RAPGEF3: variants seen among roughly 807,000 people sequenced by gnomAD.
RAPGEF3 encodes the protein Rap guanine nucleotide exchange factor 3, also known as 9330170P05Rik.
Under a neutral mutation model 129.8 loss-of-function variants are expected in RAPGEF3, and 103 were observed. That is an observed-to-expected ratio of 0.79 (90% CI 0.68 to 0.93). The LOEUF (loss-of-function observed/expected upper bound fraction) is 0.93, where lower values mean the gene tolerates loss of function less well. RAPGEF3 is among the 40% of genes least tolerant of loss of function. The pLI is 0.00. For missense variants in RAPGEF3, 1,117 were observed against 1,207.4 expected, an observed-to-expected ratio of 0.93 and a Z score of 1.11; for synonymous variants, 436 against 482.6, an observed-to-expected ratio of 0.90 and a Z score of 1.26.
chr12:47,749,130 C>G lies in RAPGEF3; in HGVS notation c.1042-199G>C. 1 of 644,974 alleles carries G rather than the reference C, an allele frequency of 1.6e-6. No individual in the cohort carries two copies. Among genetic ancestry groups the G allele is most frequent in the East Asian group, 2.7e-5 (1 of 36,642 alleles). 40.0% of individuals were successfully genotyped at this position (644,974 alleles called of 1,614,324 possible). On this transcript the variant is annotated intron_variant, in intron 10 of 27. Transcript: ENST00000449771. The surrounding 1 kb of genome is among the most constrained non-coding windows in gnomAD (Gnocchi z 4.5). Reference sequence around the variant, plus strand: ...TCCTGCCTCCCCCACAGCCTAGTCCCCCGCCCCCTGCATGCCCATCCTTCC... The same window carrying G: ...TCCTGCCTCCCCCACAGCCTAGTCCGCCGCCCCCTGCATGCCCATCCTTCC...
intron 12 of RAPGEF3, 60 bp from the exon 13 acceptor site, chr12:47,748,212 G>A: frequency 7.4e-7 from 1 of 1,345,406 alleles, no homozygotes; most frequent in Non-Finnish European, 1.0e-6. Context: ...CTGAGCACAG[G>A]TGTATGGACA....
At position 47,741,016 on chromosome 12, in the gene RAPGEF3, G is replaced by T; in HGVS notation, c.1948C>A (p.Pro650Thr). The T allele has an allele frequency of 6.2e-7, 1 of 1,612,740 alleles. No homozygotes were observed. Among genetic ancestry groups the T allele is most frequent in the Non-Finnish European group, 8.5e-7 (1 of 1,179,560 alleles). Residue 650 changes from proline to threonine, a missense_variant, in exon 20 of 28, where the codon CCC (proline) becomes ACC (threonine). This residue lies in a region of RAPGEF3 where 643 missense variants were observed against 673.4 expected (regional missense o/e 0.95). Transcript: ENST00000449771. ...AGCCCCTCAGCAGAGCCCACAGTGG[G>T]CCCCAGCTGGTCAGGGTGTGGGATC... is the stretch of plus-strand genomic sequence containing the variant. Reference protein sequence around the residue: ...ELIPHPDQLGPTVGSAEGLDL... With the variant: ...ELIPHPDQLGTTVGSAEGLDL...
chr12:47,749,986 T>G lies in RAPGEF3; in HGVS notation c.761A>C (p.Lys254Thr). 6.2e-7 allele frequency: 1 copy of G among 1,614,228 alleles called. No individual in the cohort carries two copies. Among genetic ancestry groups the G allele is most frequent in the East Asian group, 2.2e-5 (1 of 44,874 alleles). Reference protein sequence around the residue: ...KAVAHLSNSVKRELAAVLLFE... With the variant: ...KAVAHLSNSVTRELAAVLLFE... ...GAGCAGAACAGCCGCTAATTCTCGC[T>G]TCACCTGTGTGGTGGAGATAGGAGA... Residue 254 changes from lysine to threonine, a missense_variant, in exon 8 of 28, where the codon AAG becomes ACG. Physicochemically the swap from Lys to Thr is moderately conservative, Grantham distance 78. This residue lies in a region of RAPGEF3 where 367 missense variants were observed against 373.4 expected (regional missense o/e 0.98). Transcript: ENST00000449771. This position sits in a 1 kb window ranked among gnomAD's most constrained non-coding sequence, Gnocchi z 4.5.
In RAPGEF3 at chr12:47,740,884, T is replaced by C. The variant is rs570627711; in HGVS notation, c.2049+31A>G. 1.6e-5 allele frequency: 26 copies of C among 1,613,808 alleles called. No homozygotes were observed. In the South Asian group the frequency reaches 2.5e-4, roughly 16 times the overall value. ...GAGCCGAGCCGGGCGCCCCGCCGCC[T>C]GCTCTCCTCCCCCAGCTCTGCCTCC... On this transcript the variant is annotated intron_variant, in intron 20 of 27. Coordinates refer to ENST00000449771, the MANE Select transcript of RAPGEF3 (RefSeq NM_001098531.4).
rs1247842002 is a variant in RAPGEF3 at position 47,736,265 on chromosome 12, A to G, written c.*1302T>C. 1 of 152,272 alleles carries G rather than the reference A, an allele frequency of 6.6e-6. No individual in the cohort carries two copies. The highest frequency in any genetic ancestry group is 2.4e-5 in the African/African-American group (1 of 41,450). 9.4% of individuals were successfully genotyped at this position (152,272 alleles called of 1,614,324 possible). On this transcript the variant is annotated 3_prime_UTR_variant, in exon 28 of 28. Transcript: ENST00000449771. Reference sequence around the variant, plus strand: ...CTTTCTGGAAGCAGCAGGCCTGTGTATCCACATCCATGGGGCTGAAGTGCA... The same window carrying G: ...CTTTCTGGAAGCAGCAGGCCTGTGTGTCCACATCCATGGGGCTGAAGTGCA...
chr12:47,745,679 C>G (rs1436322191), intron 16 of RAPGEF3: 4 of 152,102 alleles, frequency 2.6e-5, no homozygotes, highest in African/African-American at 9.6e-5. Flanking sequence ...GTTGGAAGAG[C>G]CGACTCCAGT....
intron 6 of RAPGEF3, 83 bp downstream of exon 6, chr12:47,750,965 C>T: frequency 1.3e-6 from 2 of 1,526,994 alleles, no homozygotes; most frequent in Non-Finnish European, 8.8e-7. Flanking sequence ...GTAAGGGATG[C>T]CCCCAGAGAT....
At chr12:47,750,312 G>A (rs370243360) in intron 7 of RAPGEF3, 29 bp downstream of exon 7, 340 of 1,594,626 alleles carry the variant, frequency 2.1e-4, no homozygotes, top group Non-Finnish European at 2.1e-4. Flanking sequence ...TGCCTGGTAC[G>A]GGGCAGGGCT....
At chr12:47,756,288 C>G (rs1942046680) in intron 2 of RAPGEF3, 1 of 152,166 alleles carries the variant, frequency 6.6e-6, no homozygotes, top group Non-Finnish European at 1.5e-5. Flanking sequence ...CTGACCTTCT[C>G]CCTACCCCCT....
chr12:47,736,505 A>AG lies in RAPGEF3; in HGVS notation c.*1061dup, dbSNP rs1940806122. On this transcript the variant is annotated 3_prime_UTR_variant, in exon 28 of 28. Coordinates refer to ENST00000449771, the MANE Select transcript of RAPGEF3 (RefSeq NM_001098531.4). ...GGCGTCCTGGCAGTAGCTGGTTCCT[A>AG]GGGGAAGTGCTGAAGGGGCAGGGAA... 1 of 152,380 alleles carries AG rather than the reference A, an allele frequency of 6.6e-6. No individual in the cohort carries two copies. Among genetic ancestry groups the AG allele is most frequent in the Admixed American group, 6.5e-5 (1 of 15,290 alleles). The allele number at this position is 152,380 out of a possible 1,614,324, so 9.4% of individuals were successfully genotyped here. A position where few individuals can be genotyped will look rare whatever the true frequency, so the allele number is the denominator to read the frequency against.
intron 18 of RAPGEF3, 34 bp from the exon 19 acceptor site, chr12:47,741,636 AAGGG>A: frequency 6.4e-7 from 1 of 1,564,156 alleles, no homozygotes; most frequent in Non-Finnish European, 8.8e-7. Context: ...TGGGTGGGGG[AAGGG>A]AGGGAGGCCG....
chr12:47,740,468 C>A (rs1330265784), intron 21 of RAPGEF3, 73 bp from the exon 22 acceptor site: 17 of 1,533,248 alleles, frequency 1.1e-5, no homozygotes, highest in Admixed American at 1.7e-5. Context: ...AGACAACAGC[C>A]AGGCCAGCCT....
Position 47,751,229 on chromosome 12 carries a change from G to A in RAPGEF3, c.503-13C>T. 3 of 1,547,980 alleles carry A rather than the reference G, an allele frequency of 1.9e-6. No individual in the cohort carries two copies. Among genetic ancestry groups the A allele is most frequent in the Non-Finnish European group, 2.6e-6 (3 of 1,144,894 alleles). ...CAGTCGTGTTTCACTGGGGGGCAGAGGCCCAGGCGTGGGGGAGGAGAGGAA... is the reference window on the plus strand; with the variant it reads ...CAGTCGTGTTTCACTGGGGGGCAGAAGCCCAGGCGTGGGGGAGGAGAGGAA... On this transcript the variant is annotated splice_polypyrimidine_tract_variant and intron_variant, in intron 5 of 27. Transcript: ENST00000449771.
chr12:47,757,561 A>C (rs1471427872), intron 2 of RAPGEF3, among the ~76,000 whole-genome samples: 1 of 152,178 alleles, frequency 6.6e-6, no homozygotes, highest in Non-Finnish European at 1.5e-5. Flanking sequence ...TGGAAAGAAC[A>C]CACAAGTACC....
intron 6 of RAPGEF3, 52 bp downstream of exon 6, chr12:47,750,996 T>C: frequency 6.4e-7 from 1 of 1,564,424 alleles, no homozygotes; most frequent in Non-Finnish European, 8.7e-7. Flanking sequence ...AACCGTGAAA[T>C]CTGAGTGCTG....
Position 47,738,186 on chromosome 12 carries a change from C to T in RAPGEF3, c.2581+7G>A. 6.2e-7 allele frequency: 1 copy of T among 1,613,948 alleles called. No individual in the cohort carries two copies. The highest frequency in any genetic ancestry group is 8.5e-7 in the Non-Finnish European group (1 of 1,180,020). ...GGACCTCCCACCCCGGGGACCCGCC[C>T]TCTCACCAGGGTTGTGGCTTCGGCA... is the stretch of plus-strand genomic sequence containing the variant. On this transcript the variant is annotated splice_region_variant and intron_variant, in intron 26 of 27. Coordinates refer to ENST00000449771, the MANE Select transcript of RAPGEF3 (RefSeq NM_001098531.4).
intron 11 of RAPGEF3, 68 bp from the exon 12 acceptor site, chr12:47,748,610 A>C: frequency 7.3e-7 from 1 of 1,368,124 alleles, no homozygotes; most frequent in Non-Finnish European, 1.0e-6. Flanking sequence ...GGCAGACATC[A>C]ATAATCAATT....
intron 24 of RAPGEF3, 46 bp downstream of exon 24, chr12:47,739,097 G>T: frequency 6.8e-7 from 1 of 1,460,184 alleles, no homozygotes; most frequent in Non-Finnish European, 9.5e-7. Flanking sequence ...GGGGGATGGA[G>T]GCAGGAAGGG....
At chr12:47,739,733 G>C (rs932184273) in intron 23 of RAPGEF3, 1 of 361,760 alleles carries the variant, frequency 2.8e-6, no homozygotes, top group African/African-American at 2.1e-5. Flanking sequence ...GGTCTAGCCC[G>C]CAAGCCCCTC....
Sources: allele counts gnomAD v4.1 joint callset (sites outside exome capture counted in the v4.1 genomes callset), GRCh38; gene constraint gnomAD v4.1.1; regional missense constraint gnomAD v4.1.1; non-coding constraint Gnocchi (gnomAD v3.1); transcripts MANE v1.5; gene names NCBI Gene and HGNC (gene_info 2026-07-23, HGNC 2026-07-21).